Variants in FASN observed in about 807,000 individuals in gnomAD.
FASN encodes the protein 3-hydroxyacyl-[acyl-carrier-protein] dehydratase.
In FASN, 50 loss-of-function variants were observed where a neutral mutation model predicts 250.0. That is an observed-to-expected ratio of 0.20 (90% CI 0.16 to 0.25). FASN has a LOEUF of 0.25. FASN is among the 10% of genes least tolerant of loss of function. The pLI is 1.00. For missense variants in FASN, 3,031 were observed against 3,498.5 expected (o/e 0.87, Z 3.37); for synonymous variants, 1,909 against 1,584.0 (o/e 1.21, Z -4.87).
At position 82,087,775 on chromosome 17, in the gene FASN, G is replaced by A. The variant is rs373834559; in HGVS notation, c.2953C>T (p.Leu985=). 8.7e-6 allele frequency: 14 copies of A among 1,612,664 alleles called. No individual in the cohort carries two copies. Among genetic ancestry groups the A allele is most frequent in the Non-Finnish European group, 1.1e-5 (13 of 1,179,990 alleles). ...TCCTTGTAAACTTCAGCCTGGGCCA[G>A]GAAGAGGGGCTCCGTGGGGTTGGGG... is the stretch of plus-strand genomic sequence containing the variant. ...PTPNPTEPLF[L]AQAEVYKELR... is the part of the protein sequence containing the mutation. Residue 985 remains leucine, a synonymous_variant, in exon 19 of 43, where the codon CTG becomes TTG. Coordinates refer to ENST00000306749, the MANE Select transcript of FASN (RefSeq NM_004104.5).
At position 82,093,188 on chromosome 17, in the gene FASN, G is replaced by A. The variant is rs530339430; in HGVS notation, c.655+31C>T. The A allele has an allele frequency of 2.1e-5, 33 of 1,551,878 alleles. No individual in the cohort carries two copies. In the East Asian group the frequency reaches 4.1e-4, roughly 19 times the overall value. ...GGGGGCCGTCCTGTGCCACTGTCCC[G>A]CCTGCCCTGGCCGCGCAGCCGCACA... is the stretch of plus-strand genomic sequence containing the variant. On this transcript the variant is annotated intron_variant, in intron 5 of 42. Transcript: ENST00000306749.
rs932767049 is a variant in FASN at position 82,078,628 on chromosome 17, C to T, written c.*515G>A. The T allele has an allele frequency of 1.4e-5, 3 of 209,170 alleles. No homozygotes were observed. The highest frequency in any genetic ancestry group is 2.9e-5 in the Non-Finnish European group (3 of 102,202). The allele number at this position is 209,170 out of a possible 1,614,324, so 13.0% of individuals were successfully genotyped here. A position where few individuals can be genotyped will look rare whatever the true frequency, so the allele number is the denominator to read the frequency against. Reference sequence around the variant, plus strand: ...AGGGGCCCAGCTCCTCGGGGACTGGCCCACGACCCCCCACTCAGCGGGCTG... The same window carrying T: ...AGGGGCCCAGCTCCTCGGGGACTGGTCCACGACCCCCCACTCAGCGGGCTG... On this transcript the variant is annotated 3_prime_UTR_variant, in exon 43 of 43. Coordinates refer to ENST00000306749, the MANE Select transcript of FASN (RefSeq NM_004104.5). The surrounding 1 kb of genome is among the most constrained non-coding windows in gnomAD (Gnocchi z 5.4).
rs781639272 is a variant in FASN, at chr17:82,088,403, G to T, written c.2580C>A (p.Ala860=). Residue 860 remains alanine, a synonymous_variant, in exon 16 of 43, where the codon GCC becomes GCA. Coordinates refer to ENST00000306749, the MANE Select transcript of FASN (RefSeq NM_004104.5). ...FPNGSGSPSA[A]IYNIDTSSES... is the part of the protein sequence containing the mutation. ...GCCCCTGCTCACCGATGTTGTAGAT[G>T]GCGGCTGAGGGGGAACCTGAACCGT... is the stretch of plus-strand genomic sequence containing the variant. 6.2e-7 allele frequency: 1 copy of T among 1,612,280 alleles called. No individual in the cohort carries two copies. The highest frequency in any genetic ancestry group is 8.5e-7 in the Non-Finnish European group (1 of 1,179,688).
At chr17:82,083,491 C>A in intron 31 of FASN, 26 bp downstream of exon 31, 2 of 1,612,766 alleles carry the variant, frequency 1.2e-6, no homozygotes, top group Non-Finnish European at 1.7e-6. Context: ...CCATGCCCAC[C>A]CCCGCCCAGG....
Position 82,092,996 on chromosome 17 carries a change from C to T in FASN, c.679G>A (p.Gly227Ser). 2.5e-6 allele frequency: 4 copies of T among 1,612,254 alleles called. No homozygotes were observed. The highest frequency in any genetic ancestry group is 2.5e-6 in the Non-Finnish European group (3 of 1,179,848). ...TTGGTCAGCAGGACGGCCACCACAC[C>T]CTCCGAGCGGCAGTACCCATTCCCT... ...TAGNGYCRSE[G>S]VVAVLLTKKS... Residue 227 changes from glycine to serine, a missense_variant, in exon 6 of 43, where the codon GGT becomes AGT. Gly to Ser is a moderately conservative substitution (Grantham distance 56). Coordinates refer to ENST00000306749, the MANE Select transcript of FASN (RefSeq NM_004104.5).
At position 82,081,740 on chromosome 17, in the gene FASN, C is replaced by T. The variant is rs370022321; in HGVS notation, c.6267G>A (p.Ala2089=). ...AGAGGTCCAGCACCTCCAGGCAGGA[C>T]GCCATGCGCTGGGGCAGCGTGCCAC... ...IVSGTLPQRM[A]SCLEVLDLFL... The change falls in exon 37 of 43, where the codon GCG becomes GCA. Residue 2089 remains alanine (A), a synonymous_variant. Coordinates refer to ENST00000306749, the MANE Select transcript of FASN (RefSeq NM_004104.5). 4.0e-5 allele frequency: 65 copies of T among 1,612,616 alleles called. No homozygotes were observed. Among genetic ancestry groups the T allele is most frequent in the African/African-American group, 2.3e-4 (17 of 74,886 alleles).
At position 82,091,098 on chromosome 17, in the gene FASN, AG is replaced by A; in HGVS notation, c.1493-30del. ...TCCCAGAGAGCACGTCACGAGGCTCAGCCCCATCCCGTGCCACTGTGTGCCC... is the reference window on the plus strand; with the variant it reads ...TCCCAGAGAGCACGTCACGAGGCTCACCCCATCCCGTGCCACTGTGTGCCC... On this transcript the variant is annotated intron_variant, in intron 9 of 42. Coordinates refer to ENST00000306749, the MANE Select transcript of FASN (RefSeq NM_004104.5). 3 of 1,607,990 alleles carry A rather than the reference AG, an allele frequency of 1.9e-6. No homozygotes were observed. In the Admixed American group the frequency reaches 5.0e-5, roughly 27 times the overall value.
chr17:82,083,743 G>A (rs776486524), intron 30 of FASN, 29 bp downstream of exon 30: 2 of 1,611,014 alleles, frequency 1.2e-6, no homozygotes, highest in South Asian at 1.1e-5. Flanking sequence ...CTAGGCAGGA[G>A]GCAGGTGGGG....
At chr17:82,085,190 G>C in intron 24 of FASN, 34 bp from the exon 25 acceptor site, 1 of 1,612,514 alleles carries the variant, frequency 6.2e-7, no homozygotes, top group Non-Finnish European at 8.5e-7. Context: ...GGCCACACTC[G>C]GCAAGTTGGG....
chr17:82,082,689 C>G lies in FASN; in HGVS notation c.5768-11G>C, dbSNP rs2144784009. The stretch of plus-strand genomic sequence containing the variant: ...GCTTGGCCTGGTAGCCTGCGGGACA[C>G]AGGACTGTGGGCTGGACTGGGCCAG... On this transcript the variant is annotated splice_polypyrimidine_tract_variant and intron_variant, in intron 33 of 42. Coordinates refer to ENST00000306749, the MANE Select transcript of FASN (RefSeq NM_004104.5). 1.9e-6 allele frequency: 3 copies of G among 1,607,136 alleles called. No individual in the cohort carries two copies. The highest frequency in any genetic ancestry group is 2.5e-6 in the Non-Finnish European group (3 of 1,179,766).
chr17:82,088,923 G>A (rs763472940), intron 14 of FASN, 46 bp downstream of exon 14: 59 of 1,608,908 alleles, frequency 3.7e-5, no homozygotes, highest in Admixed American at 1.3e-4. Flanking sequence ...CAGCTGAGGC[G>A]CCCATCCCAG....
In FASN at chr17:82,085,647, C is replaced by T. The variant is rs1167107657; in HGVS notation, c.3957G>A (p.Val1319=). ...SADLLVCNCA[V]AALGDPASAL... Reference sequence around the variant, plus strand: ...CTGAGGCCGGGTCCCCGAGGGCAGCCACAGCACAGTTGCACACCAGGAGGT... The same window carrying T: ...CTGAGGCCGGGTCCCCGAGGGCAGCTACAGCACAGTTGCACACCAGGAGGT... The change falls in exon 23 of 43, where the codon GTG becomes GTA. Residue 1319 remains valine, a synonymous_variant. Transcript: ENST00000306749. 2 of 1,593,728 alleles carry T rather than the reference C, an allele frequency of 1.3e-6. No homozygotes were observed. Among genetic ancestry groups the T allele is most frequent in the South Asian group, 1.1e-5 (1 of 88,070 alleles).
At chr17:82,093,918 G>A (rs2034260870) in intron 3 of FASN, 147 bp from the exon 4 acceptor site, 2 of 853,636 alleles carry the variant, frequency 2.3e-6, no homozygotes, top group African/African-American at 1.7e-5. Context: ...CCTGGAAGGG[G>A]CCTAAGGAGG....
At position 82,084,168 on chromosome 17, in the gene FASN, G is replaced by A. The variant is rs757449903; in HGVS notation, c.4920-15C>T. ...CCTCCAGCGTCCTGGGGATGCAGCA[G>A]GTGGGTCAGCACAGGCCTGGCCGCC... On this transcript the variant is annotated splice_polypyrimidine_tract_variant and intron_variant, in intron 28 of 42. Transcript: ENST00000306749. 6.2e-6 allele frequency: 10 copies of A among 1,604,554 alleles called. No individual in the cohort carries two copies. The African/African-American group carries it at 1.1e-4, about 17-fold the overall frequency.
rs1368818892 is a variant in FASN at position 82,078,548 on chromosome 17, C to CA, written c.*594dup. On this transcript the variant is annotated 3_prime_UTR_variant, in exon 43 of 43. Coordinates refer to ENST00000306749, the MANE Select transcript of FASN (RefSeq NM_004104.5). This position sits in a 1 kb window ranked among gnomAD's most constrained non-coding sequence, Gnocchi z 5.4. ...GGCGCCGGGCATAAGGGCAGCACCC[C>CA]ACGGGTGGCTGTGCGGGGGGCCGCT... 1.2e-5 allele frequency: 2 copies of CA among 164,554 alleles called. No individual in the cohort carries two copies. The highest frequency in any genetic ancestry group is 1.8e-4 in the East Asian group (1 of 5,478). 10.2% of individuals were successfully genotyped at this position (164,554 alleles called of 1,614,324 possible).
In FASN at chr17:82,082,509, T is replaced by C. The variant is rs1350008805; in HGVS notation, c.5919+18A>G. 1.9e-6 allele frequency: 3 copies of C among 1,609,042 alleles called. No individual in the cohort carries two copies. Among genetic ancestry groups the C allele is most frequent in the South Asian group, 1.1e-5 (1 of 91,076 alleles). On this transcript the variant is annotated intron_variant, in intron 34 of 42. Coordinates refer to ENST00000306749, the MANE Select transcript of FASN (RefSeq NM_004104.5). ...GGTCTTGGGGCTTTTGAGGGCCCCATTTGGGGCCTTCCCTCACCACGGCCA... is the reference window on the plus strand; with the variant it reads ...GGTCTTGGGGCTTTTGAGGGCCCCACTTGGGGCCTTCCCTCACCACGGCCA...
chr17:82,086,600 A>G, intron 21 of FASN, 42 bp from the exon 22 acceptor site: 1 of 1,496,108 alleles, frequency 6.7e-7, no homozygotes, highest in African/African-American at 1.4e-5. Context: ...CCAAAGCCCC[A>G]GGGCATCTGC....
Position 82,088,323 on chromosome 17 carries a change from G to A in FASN, c.2594-16C>T, listed in dbSNP as rs201525654. The A allele has an allele frequency of 5.6e-6, 9 of 1,608,950 alleles. No homozygotes were observed. The East Asian group carries it at 1.8e-4, about 32-fold the overall frequency. On this transcript the variant is annotated splice_polypyrimidine_tract_variant and intron_variant, in intron 16 of 42. Transcript: ENST00000306749. ...GAGCTGGTGTCTGCGGGAGGGCACAGGCCTCAGCACAGAGCGGGCGTCTGT... is the reference window on the plus strand; with the variant it reads ...GAGCTGGTGTCTGCGGGAGGGCACAAGCCTCAGCACAGAGCGGGCGTCTGT...
Position 82,082,310 on chromosome 17 carries a change from G to A in FASN, c.6011+13C>T, listed in dbSNP as rs139527766. ...GCCCGGCAGAGGCGGGAGCAGGGCT[G>A]TGCGGTACCCACCTGTCCAGGTTCA... On this transcript the variant is annotated intron_variant, in intron 35 of 42. Transcript: ENST00000306749. The A allele has an allele frequency of 3.4e-3, 5,427 of 1,611,928 alleles. 47 individuals are homozygous for A. The highest frequency in any genetic ancestry group is 0.017 in the South Asian group (1,591 of 91,064).
Sources: gnomAD v4.1 joint callset for allele counts on GRCh38, gnomAD v4.1.1 for gene constraint, Gnocchi (gnomAD v3.1) non-coding constraint, MANE v1.5 for transcripts, NCBI Gene and HGNC (gene_info 2026-07-23, HGNC 2026-07-21) for gene names.